The following TENM4 variants were observed in gnomAD, a reference collection of about 807,000 sequenced individuals.
TENM4 encodes the protein teneurin-4.
A neutral mutation model predicts 243.3 loss-of-function variants in TENM4; 82 were observed. The observed-to-expected ratio is 0.34, with a 90% CI of 0.28 to 0.40. The LOEUF is 0.40. TENM4 is among the 10% of genes least tolerant of loss of function. The pLI is 1.00. For missense variants in TENM4, 3,138 were observed against 3,673.3 expected (o/e 0.85, Z 3.77); for synonymous variants, 1,412 against 1,456.3 (o/e 0.97, Z 0.69).
At chr11:79,007,323 G>T (rs952527705) in intron 6 of TENM4, among the ~76,000 whole-genome samples, 9 of 152,102 alleles carry the variant, frequency 5.9e-5, no homozygotes, top group Admixed American at 5.9e-4. Flanking sequence ...CAGTAGTAGG[G>T]GAAGATGGGA....
intron 4 of TENM4, among the ~76,000 whole-genome samples, chr11:79,121,099 TAGAG>T (rs1861736585): frequency 2.0e-5 from 3 of 152,272 alleles, no homozygotes; most frequent in African/African-American, 2.4e-5. Flanking sequence ...GACAGAGACT[TAGAG>T]AGGCCATGTG....
chr11:78,999,016 C>T (rs1565160818), intron 6 of TENM4, among the ~76,000 whole-genome samples: 2 of 152,224 alleles, frequency 1.3e-5, no homozygotes. Context: ...CTTCATCTCA[C>T]ATCTCCATTG....
At chr11:79,056,141 T>C (rs1859937032) in intron 6 of TENM4, among the ~76,000 whole-genome samples, 1 of 152,236 alleles carries the variant, frequency 6.6e-6, no homozygotes, top group Admixed American at 6.5e-5. Flanking sequence ...AAAATGCTTC[T>C]GAAACATCTT....
At chr11:79,043,510 C>G (rs996140968) in intron 6 of TENM4, among the ~76,000 whole-genome samples, 2 of 152,118 alleles carry the variant, frequency 1.3e-5, no homozygotes, top group Non-Finnish European at 2.9e-5. Context: ...CCCCCAGCCC[C>G]AAAGCATGTT....
chr11:79,019,990 C>T (rs1565170085), intron 6 of TENM4, among the ~76,000 whole-genome samples: 1 of 152,212 alleles, frequency 6.6e-6, no homozygotes, highest in African/African-American at 2.4e-5. Context: ...TCTCAATATC[C>T]CACCACCCTG....
chr11:79,290,051 C>T (rs1856328202), intron 2 of TENM4, among the ~76,000 whole-genome samples: 1 of 152,054 alleles, frequency 6.6e-6, no homozygotes, highest in African/African-American at 2.4e-5. Flanking sequence ...CCACCTCAGC[C>T]TCCCAAAGGG....
Position 78,655,261 on chromosome 11 carries a change from A to G in TENM4, c.*2797T>C, listed in dbSNP as rs1259909162. On this transcript the variant is annotated 3_prime_UTR_variant, in exon 34 of 34. Transcript: ENST00000278550. ...GCACCAATGTGGCAGTGAGGCGCAT[A>G]ACACTGCCTGTGCCACAGCTGAGAT... The G allele has an allele frequency of 6.6e-6, 1 of 152,234 alleles. No individual in the cohort carries two copies. Among genetic ancestry groups the G allele is most frequent in the Non-Finnish European group, 1.5e-5 (1 of 68,062 alleles). 9.4% of individuals were successfully genotyped at this position (152,234 alleles called of 1,614,324 possible).
chr11:79,102,961 T>G (rs1214776917), intron 4 of TENM4, among the ~76,000 whole-genome samples: 1 of 152,198 alleles, frequency 6.6e-6, no homozygotes, highest in East Asian at 1.9e-4. Context: ...AACATAGCCA[T>G]GTCACTTCTT....
At chr11:79,286,262 G>C (rs1230681466) in intron 2 of TENM4, among the ~76,000 whole-genome samples, 1 of 152,122 alleles carries the variant, frequency 6.6e-6, no homozygotes, top group Non-Finnish European at 1.5e-5. Flanking sequence ...CACTCGCTCT[G>C]GAGTCCAGGA....
At chr11:79,197,888 G>A (rs771492242) in intron 3 of TENM4, among the ~76,000 whole-genome samples, 1 of 151,962 alleles carries the variant, frequency 6.6e-6, no homozygotes, top group Non-Finnish European at 1.5e-5. Context: ...CTGTGCTCCC[G>A]GTGGAAGGAA....
At position 79,340,227 on chromosome 11, in the gene TENM4, T is replaced by C. The variant is rs922541646; in HGVS notation, c.-320-42684A>G. On this transcript the variant is annotated intron_variant, in intron 1 of 33. Coordinates refer to ENST00000278550, the MANE Select transcript of TENM4 (RefSeq NM_001098816.3). ...CTCCTGAAGATATTGAGAAGGAAAA[T>C]GGCTTCCAATAAAGGGGCATTGGGT... Among the ~76,000 whole-genome samples the C allele has an allele frequency of 5.9e-5, 9 of 152,110 alleles. 1 individual carries two copies. Among genetic ancestry groups the C allele is most frequent in the Non-Finnish European group, 8.8e-5 (6 of 68,022 alleles).
intron 25 of TENM4, among the ~76,000 whole-genome samples, chr11:78,719,702 G>A (rs932680964): frequency 3.3e-5 from 5 of 152,218 alleles, no homozygotes; most frequent in African/African-American, 4.8e-5. Context: ...CTATCCAGGA[G>A]TCAGGTGAAT....
At chr11:78,832,728 G>A (rs1010006384) in intron 12 of TENM4, among the ~76,000 whole-genome samples, 1 of 152,168 alleles carries the variant, frequency 6.6e-6, no homozygotes, top group Non-Finnish European at 1.5e-5. Context: ...CCAACTTGTT[G>A]CCTTTGCTAA....
At position 78,729,396 on chromosome 11, in the gene TENM4, A is replaced by T; in HGVS notation, c.3386T>A (p.Phe1129Tyr). Reference sequence around the variant, plus strand: ...CTTACCAAAGGCTTCTGAAAGCCCAAACACCTTCTGGTTGTAGACGTCTGT... The same window carrying T: ...CTTACCAAAGGCTTCTGAAAGCCCATACACCTTCTGGTTGTAGACGTCTGT... ...DKTDVYNQKV[F>Y]GLSEAFVSVG... is the part of the protein sequence containing the mutation. The change falls in exon 22 of 34, where the codon TTT becomes TAT. Residue 1129 changes from phenylalanine (F) to tyrosine (Y), a missense_variant. By Grantham distance (22) the Phe-to-Tyr change is conservative. Coordinates refer to ENST00000278550, the MANE Select transcript of TENM4 (RefSeq NM_001098816.3). The T allele has an allele frequency of 6.3e-7, 1 of 1,580,360 alleles. No homozygotes were observed. Among genetic ancestry groups the T allele is most frequent in the Non-Finnish European group, 8.6e-7 (1 of 1,161,838 alleles).
intron 4 of TENM4, among the ~76,000 whole-genome samples, chr11:79,136,722 A>G (rs139439475): frequency 0.017 from 2,634 of 152,246 alleles, 65 homozygotes; most frequent in East Asian, 0.073. Flanking sequence ...GGACTCACAG[A>G]ATGCCTTATC....
intron 1 of TENM4, among the ~76,000 whole-genome samples, chr11:79,419,996 A>C (rs1254266004): frequency 1.3e-5 from 2 of 152,192 alleles, no homozygotes; most frequent in Non-Finnish European, 2.9e-5. Flanking sequence ...TGAATGAATG[A>C]GAAACCATTT....
At chr11:78,960,710 A>G (rs1248414108) in intron 6 of TENM4, among the ~76,000 whole-genome samples, 1 of 152,190 alleles carries the variant, frequency 6.6e-6, no homozygotes, top group Non-Finnish European at 1.5e-5. Flanking sequence ...TAGGCAGAGT[A>G]GAGGCTTCTT....
chr11:79,007,311 A>G (rs1858510885), intron 6 of TENM4, among the ~76,000 whole-genome samples: 1 of 151,994 alleles, frequency 6.6e-6, no homozygotes, highest in Non-Finnish European at 1.5e-5. Context: ...TGGAGCGGGG[A>G]GCAGTAGTAG....
intron 15 of TENM4, among the ~76,000 whole-genome samples, chr11:78,798,303 C>T (rs1857207318): frequency 6.6e-6 from 1 of 152,148 alleles, no homozygotes; most frequent in Non-Finnish European, 1.5e-5. Flanking sequence ...TCGATTGTGA[C>T]CTAATTTGAT....
Sources: gnomAD v4.1 joint callset for allele counts (sites outside exome capture counted in the v4.1 genomes callset) on GRCh38, gnomAD v4.1.1 for gene constraint, MANE v1.5 for transcripts, NCBI Gene and HGNC (gene_info 2026-07-23, HGNC 2026-07-21) for gene names.